The following TRPC5 variants were observed in gnomAD, a reference collection of about 807,000 sequenced individuals.
TRPC5 encodes the protein short transient receptor potential channel 5.
A neutral mutation model predicts 56.5 loss-of-function variants in TRPC5; 9 were observed. That is an observed-to-expected ratio of 0.16 (90% confidence interval 0.10 to 0.28). The LOEUF (loss-of-function observed/expected upper bound fraction) is 0.28, where lower values mean the gene tolerates loss of function less well. Among genes scored for constraint, TRPC5 ranks in the 10% least tolerant of loss-of-function variants. The probability of loss-of-function intolerance (pLI) is 1.00; values close to 1 mark genes in which losing one functional copy is unlikely to be tolerated. For synonymous variants in TRPC5, 282 were observed against 278.5 expected, an observed-to-expected ratio of 1.01 and a Z score of -0.13; for missense variants, 469 against 748.9, an observed-to-expected ratio of 0.63 and a Z score of 4.36.
chrX:111,784,066 T>G (rs140727499), intron 7 of TRPC5, among the ~76,000 whole-genome samples: 1 of 111,795 alleles, frequency 8.9e-6, no homozygotes, highest in African/African-American at 3.2e-5. Context: ...TTGCCGAACA[T>G]CAGTGGGGCA....
intron 7 of TRPC5, among the ~76,000 whole-genome samples, chrX:111,801,302 C>T (rs922064641): frequency 3.6e-5 from 4 of 111,720 alleles, no homozygotes; most frequent in South Asian, 7.5e-4. Flanking sequence ...GATGGTCATT[C>T]GGGTTGTTTC....
intron 1 of TRPC5, among the ~76,000 whole-genome samples, chrX:111,983,467 TG>T (rs1183052295): frequency 9.0e-6 from 1 of 110,908 alleles, no homozygotes; most frequent in Non-Finnish European, 1.9e-5. Flanking sequence ...AGCATTTACA[TG>T]GGGAACAAAA....
chrX:111,788,306 C>A (rs1387599240), intron 7 of TRPC5, among the ~76,000 whole-genome samples: 2 of 111,708 alleles, frequency 1.8e-5, no homozygotes, highest in Non-Finnish European at 3.8e-5. Flanking sequence ...GAACCAACAA[C>A]AAAAACCACA....
At chrX:111,935,218 A>G (rs1051922883) in intron 2 of TRPC5, among the ~76,000 whole-genome samples, 5 of 112,155 alleles carry the variant, frequency 4.5e-5, no homozygotes, top group Non-Finnish European at 7.5e-5. Flanking sequence ...CCGGTGATCA[A>G]TGATGTTGAG....
At chrX:112,052,471 T>C (rs924328428) in intron 1 of TRPC5, among the ~76,000 whole-genome samples, 1 of 111,687 alleles carries the variant, frequency 9.0e-6, no homozygotes, top group Non-Finnish European at 1.9e-5. Context: ...AAATTGATTT[T>C]TTTGGGGAAT....
intron 1 of TRPC5, among the ~76,000 whole-genome samples, chrX:111,999,257 C>T (rs1928632416): frequency 9.0e-6 from 1 of 111,694 alleles, no homozygotes; most frequent in Admixed American, 9.5e-5. Flanking sequence ...AACCTCTCCA[C>T]ACACCCTAGT....
intron 2 of TRPC5, among the ~76,000 whole-genome samples, chrX:111,949,405 C>T (rs937411400): frequency 1.8e-5 from 2 of 111,820 alleles, no homozygotes; most frequent in Admixed American, 1.9e-4. Flanking sequence ...ACAAACAACC[C>T]ACAGAGTGGG....
chrX:111,809,769 A>G (rs1921638907), intron 7 of TRPC5, among the ~76,000 whole-genome samples: 3 of 110,566 alleles, frequency 2.7e-5, no homozygotes, highest in Admixed American at 9.6e-5. Context: ...CTCAGTTACC[A>G]TTTTGTTTAT....
rs1399062124 is a variant in TRPC5 at position 111,952,402 on chromosome X, T to G, written c.19A>C (p.Lys7Gln). ...CTGTACGGTGAGTAGTTGACCTTTT[T>G]GTAGTACAGTTGGGCCATGGTTCAT... Reference protein sequence around the residue: MAQLYYKKVNYSPYRDR... With the variant: MAQLYYQKVNYSPYRDR... Residue 7 changes from lysine to glutamine, a missense_variant, in exon 2 of 11, where the codon AAA becomes CAA. This residue lies in a region of TRPC5 where 118 missense variants were observed against 167.1 expected (regional missense o/e 0.71). Transcript: ENST00000262839. 5 of 1,205,216 alleles carry G rather than the reference T, an allele frequency of 4.1e-6. No individual in the cohort carries two copies. In the Admixed American group the frequency reaches 1.1e-4, roughly 27 times the overall value.
intron 1 of TRPC5, among the ~76,000 whole-genome samples, chrX:112,049,986 G>A (rs974404484): frequency 1.8e-5 from 2 of 111,671 alleles, no homozygotes; most frequent in African/African-American, 6.5e-5. Flanking sequence ...GACCAGCCTG[G>A]CCAACATGGG....
At chrX:111,948,601 G>A (rs1263842488) in intron 2 of TRPC5, among the ~76,000 whole-genome samples, 1 of 109,507 alleles carries the variant, frequency 9.1e-6, no homozygotes, top group African/African-American at 3.3e-5. Flanking sequence ...GCGTGGCGGT[G>A]TGCACCTCTA....
intron 1 of TRPC5, among the ~76,000 whole-genome samples, chrX:112,015,876 T>A (rs1299061507): frequency 2.7e-5 from 3 of 111,754 alleles, no homozygotes; most frequent in African/African-American, 9.8e-5. Context: ...TTTATCCTGA[T>A]TCAGTGTCTG....
chrX:112,078,256 T>C (rs1930883503), intron 1 of TRPC5, among the ~76,000 whole-genome samples: 1 of 111,801 alleles, frequency 8.9e-6, no homozygotes, highest in Non-Finnish European at 1.9e-5. Context: ...GTCAAGAAGG[T>C]AAGTCACAAA....
chrX:111,854,550 C>T (rs768532907), intron 3 of TRPC5, among the ~76,000 whole-genome samples: 159 of 111,302 alleles, frequency 1.4e-3, no homozygotes, highest in African/African-American at 4.8e-3. Context: ...GTTTTACAAA[C>T]TCTCCTGGGA....
At chrX:111,940,029 CT>C (rs1161822364) in intron 2 of TRPC5, among the ~76,000 whole-genome samples, 1 of 111,776 alleles carries the variant, frequency 8.9e-6, no homozygotes, top group Non-Finnish European at 1.9e-5. Flanking sequence ...TAGCTATAAA[CT>C]TTCCTTTTAG....
intron 1 of TRPC5, among the ~76,000 whole-genome samples, chrX:111,994,251 C>T (rs1928451716): frequency 9.0e-6 from 1 of 110,940 alleles, no homozygotes; most frequent in African/African-American, 3.3e-5. Context: ...TGTTCTGTTC[C>T]GTTTGTCTAT....
chrX:111,866,406 C>T (rs889213275), intron 3 of TRPC5, among the ~76,000 whole-genome samples: 12 of 113,293 alleles, frequency 1.1e-4, no homozygotes, highest in Non-Finnish European at 2.2e-4. Context: ...ATGGAATCCC[C>T]CTGTTTAATC....
At chrX:112,053,646 GGT>G (rs1224719666) in intron 1 of TRPC5, among the ~76,000 whole-genome samples, 2 of 111,588 alleles carry the variant, frequency 1.8e-5, no homozygotes, top group Non-Finnish European at 3.8e-5. Context: ...ATGGCCTGGT[GGT>G]GTAAGGGATG....
chrX:111,882,867 C>T (rs1408659969), intron 3 of TRPC5, among the ~76,000 whole-genome samples: 1 of 111,745 alleles, frequency 8.9e-6, no homozygotes, highest in East Asian at 2.8e-4. Flanking sequence ...AGGAGAGTCA[C>T]CTGAGGTTAG....
Sources: allele counts gnomAD v4.1 joint callset (sites outside exome capture counted in the v4.1 genomes callset), GRCh38; gene constraint gnomAD v4.1.1; regional missense constraint gnomAD v4.1.1; transcripts MANE v1.5; gene names NCBI Gene and HGNC (gene_info 2026-07-23, HGNC 2026-07-21).